Variants in COL12A1 observed in about 807,000 individuals in gnomAD.
The protein encoded by COL12A1 is collagen alpha-1(XII) chain.
A neutral mutation model predicts 349.7 loss-of-function variants in COL12A1; 114 were observed. The ratio of observed to expected loss-of-function variants is 0.33; its 90% CI spans 0.28 to 0.38. The LOEUF (loss-of-function observed/expected upper bound fraction) is 0.38, where lower values mean the gene tolerates loss of function less well. Ranked by LOEUF, COL12A1 falls within the 10% of genes least tolerant of loss-of-function variation. The pLI, the probability that COL12A1 is intolerant of heterozygous loss-of-function variation, is 1.00. For missense variants in COL12A1, 3,284 were observed against 3,756.9 expected (o/e 0.87, Z 3.29); for synonymous variants, 1,369 against 1,329.0 (o/e 1.03, Z -0.66).
rs201504844 is a variant in COL12A1, at chr6:75,161,552, T to C, written c.2983+3955A>G. ...GAGGCCTCCCACAGCCAATATCATA[T>C]TGAATGGGCAAAAACTGGAAGCATT... is the stretch of plus-strand genomic sequence containing the variant. On this transcript the variant is annotated intron_variant, in intron 14 of 65. Coordinates refer to ENST00000322507, the MANE Select transcript of COL12A1 (RefSeq NM_004370.6). 9.9e-5 allele frequency among the ~76,000 whole-genome samples: 15 copies of C among 152,172 alleles called. 1 individual carries two copies. Among genetic ancestry groups the C allele is most frequent in the East Asian group, 1.9e-4 (1 of 5,176 alleles).
At chr6:75,087,058 A>G (rs923436892) in intron 65 of COL12A1, 1 of 153,424 alleles carries the variant, frequency 6.5e-6, no homozygotes, top group Non-Finnish European at 1.4e-5. Flanking sequence ...ATTGTCAAAC[A>G]CTAGAATTTC....
In COL12A1 at chr6:75,109,002, A is replaced by T. The variant is rs201476445; in HGVS notation, c.8100+16T>A. ...TTAACACAAGGTACCAAGAGAAATA[A>T]AAATGTGTTACTCACTGCGGCTGAT... On this transcript the variant is annotated intron_variant, in intron 52 of 65. Transcript: ENST00000322507. 1.1e-4 allele frequency: 184 copies of T among 1,604,256 alleles called. No individual in the cohort carries two copies. Among genetic ancestry groups the T allele is most frequent in the Non-Finnish European group, 1.5e-4 (173 of 1,177,188 alleles).
intron 27 of COL12A1, among the ~76,000 whole-genome samples, 182 bp downstream of exon 27, chr6:75,141,850 A>G (rs1479744384): frequency 6.6e-6 from 1 of 152,232 alleles, no homozygotes; most frequent in East Asian, 1.9e-4. Flanking sequence ...AAAGGAATGG[A>G]TGCAAAGATA....
chr6:75,205,546 C>A (rs1214968950), intron 1 of COL12A1, among the ~76,000 whole-genome samples: 1 of 152,104 alleles, frequency 6.6e-6, no homozygotes, highest in Non-Finnish European at 1.5e-5. Context: ...TGCACAAAAC[C>A]TTGCTCAGCT....
At chr6:75,093,566 T>TG (rs1472522112) in intron 60 of COL12A1, among the ~76,000 whole-genome samples, 1 of 152,202 alleles carries the variant, frequency 6.6e-6, no homozygotes, top group Non-Finnish European at 1.5e-5. Context: ...GGGGAAGTGC[T>TG]GGGGTCTAAA....
At chr6:75,106,294 ATTGCGTGTCTT>A in intron 53 of COL12A1, 114 bp downstream of exon 53, 1 of 774,618 alleles carries the variant, frequency 1.3e-6, no homozygotes, top group Non-Finnish European at 2.1e-6. Flanking sequence ...GCACCCACAC[ATTGCGTGTCTT>A]TTAGCTCCAT....
Position 75,138,841 on chromosome 6 carries a change from C to T in COL12A1, c.5078G>A (p.Gly1693Glu). ...AACTACCTCCATCTTATCTGAGCTTCCAAAAGGTGCCCAAGTTATTCTGTA... is the reference window on the plus strand; with the variant it reads ...AACTACCTCCATCTTATCTGAGCTTTCAAAAGGTGCCCAAGTTATTCTGTA... ...SLYRITWAPF[G>E]SSDKMETILN... is the part of the protein sequence containing the mutation. Residue 1693 changes from glycine (G) to glutamate (E), a missense_variant, in exon 28 of 66, where the codon GGA (glycine) becomes GAA (glutamate). Physicochemically the swap from Gly to Glu is moderately conservative, Grantham distance 98. Around this residue, in one of 2 missense-constraint regions of COL12A1, gnomAD observed 2,601 missense variants for 2,824.8 expected, o/e 0.92. Transcript: ENST00000322507. 1 of 1,614,034 alleles carries T rather than the reference C, an allele frequency of 6.2e-7. No homozygotes were observed.
rs976251135 is a variant in COL12A1, at chr6:75,139,536, G to A, written c.4958-575C>T. Among the ~76,000 whole-genome samples the A allele has an allele frequency of 4.6e-5, 7 of 152,154 alleles. No homozygotes were observed. The East Asian group carries it at 1.3e-3, about 29-fold the overall frequency. On this transcript the variant is annotated intron_variant, in intron 27 of 65. Transcript: ENST00000322507. Reference sequence around the variant, plus strand: ...ACACATACCACTGCAGTTTAAAAATGAGAATGTCTGCCTAGCTGTAAACAA... The same window carrying A: ...ACACATACCACTGCAGTTTAAAAATAAGAATGTCTGCCTAGCTGTAAACAA...
intron 8 of COL12A1, among the ~76,000 whole-genome samples, chr6:75,185,324 A>C (rs181054433): frequency 1.2e-4 from 18 of 152,284 alleles, no homozygotes; most frequent in Non-Finnish European, 2.6e-4. Context: ...TATACACAAC[A>C]ACAGTCAAGC....
At chr6:75,095,437 G>A (rs1237229602) in intron 59 of COL12A1, among the ~76,000 whole-genome samples, 1 of 151,746 alleles carries the variant, frequency 6.6e-6, no homozygotes, top group African/African-American at 2.4e-5. Context: ...CTAACAAGGT[G>A]AAACCCCGTC....
Position 75,175,027 on chromosome 6 carries a change from A to G in COL12A1, c.2710+11T>C. The G allele has an allele frequency of 6.2e-6, 10 of 1,612,086 alleles. No individual in the cohort carries two copies. The highest frequency in any genetic ancestry group is 7.6e-6 in the Non-Finnish European group (9 of 1,179,004). ...AGTTCCTGGATTTTCAGAAAATATG[A>G]TGGTAATTACCTTCAAGTGTTGTTC... On this transcript the variant is annotated intron_variant, in intron 13 of 65. Transcript: ENST00000322507.
chr6:75,148,511 T>TA lies in COL12A1; in HGVS notation c.4148-15dup, dbSNP rs1227725033. On this transcript the variant is annotated splice_polypyrimidine_tract_variant and intron_variant, in intron 21 of 65. Transcript: ENST00000322507. ...CTTCCAAATCACCTACACATGGAAATAAAGGGTATACACTTTTCTCATTAT... is the reference window on the plus strand; with the variant it reads ...CTTCCAAATCACCTACACATGGAAATAAAAGGGTATACACTTTTCTCATTAT... 4 of 1,608,652 alleles carry TA rather than the reference T, an allele frequency of 2.5e-6. No homozygotes were observed. The highest frequency in any genetic ancestry group is 1.3e-5 in the African/African-American group (1 of 74,774).
At chr6:75,180,452 T>C (rs977631695) in intron 11 of COL12A1, among the ~76,000 whole-genome samples, 60 of 152,176 alleles carry the variant, frequency 3.9e-4, no homozygotes, top group African/African-American at 1.3e-3. Context: ...AAGGTGAATG[T>C]ACTTAATGCC....
chr6:75,155,513 T>C (rs1174286181), intron 16 of COL12A1, 149 bp downstream of exon 16: 1 of 810,132 alleles, frequency 1.2e-6, no homozygotes. Context: ...GCACCAAGCA[T>C]AAGAAAACAG....
chr6:75,097,298 A>G lies in COL12A1; in HGVS notation c.8532T>C (p.Thr2844=). The G allele has an allele frequency of 1.2e-6, 2 of 1,613,284 alleles. No individual in the cohort carries two copies. The highest frequency in any genetic ancestry group is 1.7e-6 in the Non-Finnish European group (2 of 1,179,460). The change falls in exon 59 of 66, where the codon ACT becomes ACC. Residue 2844 remains threonine, a synonymous_variant. Coordinates refer to ENST00000322507, the MANE Select transcript of COL12A1 (RefSeq NM_004370.6). ...TGGGTCCCATTGCACCGTCTTTTCC[A>G]GTGAAGCCCTATTGTAAAAATGAAA... The part of the protein sequence containing the change: ...PMGPPGDRGF[T]GKDGAMGPRG...
intron 1 of COL12A1, among the ~76,000 whole-genome samples, chr6:75,204,096 T>G (rs1054798625): frequency 6.6e-6 from 1 of 152,194 alleles, no homozygotes; most frequent in African/African-American, 2.4e-5. Flanking sequence ...GAGCTCCTTT[T>G]TATGAAGCCA....
intron 12 of COL12A1, 53 bp from the exon 13 acceptor site, chr6:75,175,363 T>A: frequency 6.4e-7 from 1 of 1,570,934 alleles, no homozygotes; most frequent in Non-Finnish European, 8.6e-7. Context: ...AAAAATGACT[T>A]GAAAAACACT....
At chr6:75,143,020 G>A (rs910788091) in intron 26 of COL12A1, among the ~76,000 whole-genome samples, 3 of 152,000 alleles carry the variant, frequency 2.0e-5, no homozygotes, top group Non-Finnish European at 4.4e-5. Flanking sequence ...ATCTACCAAG[G>A]GATGATCTTT....
At chr6:75,129,743 G>C (rs531006758) in intron 37 of COL12A1, among the ~76,000 whole-genome samples, 9 of 152,322 alleles carry the variant, frequency 5.9e-5, no homozygotes, top group Non-Finnish European at 8.8e-5. Flanking sequence ...TACATTATTT[G>C]AATATTAACT....
Sources: gnomAD v4.1 joint callset for allele counts (sites outside exome capture counted in the v4.1 genomes callset) on GRCh38, gnomAD v4.1.1 for gene constraint, gnomAD v4.1.1 regional missense constraint, MANE v1.5 for transcripts, NCBI Gene and HGNC (gene_info 2026-07-23, HGNC 2026-07-21) for gene names.